Variants in USH2A observed in about 807,000 individuals in gnomAD.
USH2A encodes Usher syndrome 2A (autosomal recessive, mild).
Under a neutral mutation model 538.9 loss-of-function variants are expected in USH2A, and 443 were observed. That is an observed-to-expected ratio of 0.82 (90% CI 0.76 to 0.89). The LOEUF is 0.89. Among genes scored for constraint, USH2A ranks in the 40% least tolerant of loss-of-function variants. USH2A has a pLI of 0.00. For synonymous variants in USH2A, 2,413 were observed against 2,273.5 expected, an observed-to-expected ratio of 1.06 and a Z score of -1.75; for missense variants, 6,633 against 6,324.8, an observed-to-expected ratio of 1.05 and a Z score of -1.65.
chr1:216,166,944 T>C (rs2034181778), intron 21 of USH2A, among the ~76,000 whole-genome samples: 1 of 152,036 alleles, frequency 6.6e-6, no homozygotes, highest in Admixed American at 6.6e-5. Context: ...AGAGATGACT[T>C]TAGATGGCTT....
chr1:215,992,108 T>C (rs998854542), intron 35 of USH2A, among the ~76,000 whole-genome samples: 4 of 152,204 alleles, frequency 2.6e-5, no homozygotes, highest in Non-Finnish European at 5.9e-5. Flanking sequence ...ATTAATATCA[T>C]AGTAAACATA....
chr1:216,166,611 G>A (rs1381728018), intron 21 of USH2A, among the ~76,000 whole-genome samples: 4 of 152,044 alleles, frequency 2.6e-5, no homozygotes, highest in South Asian at 4.1e-4. Context: ...GAGGAAGAAC[G>A]GCCAGAGGAG....
At chr1:216,009,164 C>G (rs1668481724) in intron 32 of USH2A, among the ~76,000 whole-genome samples, 1 of 152,040 alleles carries the variant, frequency 6.6e-6, no homozygotes, top group Non-Finnish European at 1.5e-5. Context: ...ATGCCCCAAC[C>G]TCTTTCCCAC....
intron 11 of USH2A, among the ~76,000 whole-genome samples, chr1:216,275,958 G>C (rs1029168723): frequency 3.3e-5 from 5 of 152,098 alleles, no homozygotes; most frequent in African/African-American, 1.2e-4. Flanking sequence ...ATCTGCTGTA[G>C]GTTTCCTCTT....
At chr1:215,939,668 C>T (rs2102504480) in intron 37 of USH2A, among the ~76,000 whole-genome samples, 1 of 152,146 alleles carries the variant, frequency 6.6e-6, no homozygotes, top group African/African-American at 2.4e-5. Context: ...GAATACCATC[C>T]TATGGGGTTC....
chr1:215,771,157 G>A (rs1661273053), intron 55 of USH2A, among the ~76,000 whole-genome samples: 1 of 151,180 alleles, frequency 6.6e-6, no homozygotes, highest in Non-Finnish European at 1.5e-5. Flanking sequence ...AAAAGGAAAG[G>A]GTGAGGCCAA....
chr1:216,265,855 A>T (rs896994956), intron 11 of USH2A, among the ~76,000 whole-genome samples: 2 of 152,062 alleles, frequency 1.3e-5, no homozygotes. Flanking sequence ...AGTTGATCTC[A>T]TGAAAGTAGA....
At chr1:215,839,873 C>T (rs1202445809) in intron 46 of USH2A, among the ~76,000 whole-genome samples, 1 of 151,926 alleles carries the variant, frequency 6.6e-6, no homozygotes, top group African/African-American at 2.4e-5. Flanking sequence ...AAAGTAGATA[C>T]TTGGCTAGGT....
intron 50 of USH2A, 104 bp downstream of exon 50, chr1:215,798,803 A>G: frequency 1.5e-6 from 2 of 1,290,864 alleles, no homozygotes; most frequent in Admixed American, 1.8e-5. Flanking sequence ...GATATAACCA[A>G]TGTGAGCTTT....
chr1:215,878,721 T>C (rs534564230), intron 42 of USH2A, 43 bp downstream of exon 42: 5 of 1,590,716 alleles, frequency 3.1e-6, no homozygotes, highest in Non-Finnish European at 4.3e-6. Context: ...CTCAGAGAGA[T>C]AAGGACTACA....
chr1:215,887,006 C>A (rs998079813), intron 41 of USH2A, among the ~76,000 whole-genome samples: 2 of 152,042 alleles, frequency 1.3e-5, no homozygotes, highest in Non-Finnish European at 2.9e-5. Flanking sequence ...TATAGGTGCC[C>A]GCCACCAAGC....
chr1:216,414,030 A>G (rs1197310938), intron 3 of USH2A, among the ~76,000 whole-genome samples: 2 of 152,166 alleles, frequency 1.3e-5, no homozygotes, highest in Non-Finnish European at 2.9e-5. Flanking sequence ...ACGAAATGCT[A>G]AAGTAAATTT....
chr1:216,254,016 G>A (rs1467614956), intron 11 of USH2A, among the ~76,000 whole-genome samples: 1 of 152,028 alleles, frequency 6.6e-6, no homozygotes, highest in Non-Finnish European at 1.5e-5. Context: ...CATCTCAAAA[G>A]TGTATAATAT....
At chr1:215,768,033 T>C (rs973339126) in intron 55 of USH2A, among the ~76,000 whole-genome samples, 1 of 151,954 alleles carries the variant, frequency 6.6e-6, no homozygotes, top group Admixed American at 6.6e-5. Context: ...CATTTTCGCA[T>C]ATTTTGTTCT....
intron 14 of USH2A, among the ~76,000 whole-genome samples, chr1:216,224,045 T>G (rs1455183225): frequency 6.6e-6 from 1 of 152,216 alleles, no homozygotes; most frequent in Admixed American, 6.5e-5. Flanking sequence ...ACAACTTCAG[T>G]GTGTGTCAGC....
At chr1:215,813,626 G>C in intron 49 of USH2A, 110 bp downstream of exon 49, 1 of 1,357,734 alleles carries the variant, frequency 7.4e-7, no homozygotes, top group Admixed American at 1.7e-5. Context: ...TGTGTTTATG[G>C]TTCAATTTTT....
chr1:215,824,888 T>C (rs1305886277), intron 47 of USH2A, among the ~76,000 whole-genome samples: 1 of 152,162 alleles, frequency 6.6e-6, no homozygotes, highest in Non-Finnish European at 1.5e-5. Context: ...AGTCCAATTT[T>C]CTTACCATCT....
intron 3 of USH2A, among the ~76,000 whole-genome samples, chr1:216,394,752 T>G (rs2039176712): frequency 1.0e-5 from 1 of 99,018 alleles, no homozygotes; most frequent in African/African-American, 3.4e-5. Context: ...AGAGTCTCGC[T>G]CTGTCGCCCA....
intron 46 of USH2A, among the ~76,000 whole-genome samples, chr1:215,839,299 A>G (rs1558121824): frequency 6.6e-6 from 1 of 152,220 alleles, no homozygotes. Flanking sequence ...ACATAATGAG[A>G]TAACCCAGAA....
Sources: gnomAD v4.1 joint callset for allele counts (sites outside exome capture counted in the v4.1 genomes callset) on GRCh38, gnomAD v4.1.1 for gene constraint, MANE v1.5 for transcripts, NCBI Gene and HGNC (gene_info 2026-07-23, HGNC 2026-07-21) for gene names.